Variants in USP10 observed in about 807,000 individuals in gnomAD.
The protein encoded by USP10 is ubiquitin specific peptidase 10.
USP10 carries 22 observed loss-of-function variants against 84.5 expected under a neutral mutation model. The observed-to-expected ratio is 0.26, with a 90% confidence interval of 0.19 to 0.37. The LOEUF (loss-of-function observed/expected upper bound fraction) is 0.37, where lower values mean the gene tolerates loss of function less well. USP10 is among the 10% of genes least tolerant of loss of function. USP10 has a pLI of 1.00. For missense variants in USP10, 1,019 were observed against 998.9 expected (o/e 1.02, Z -0.27); for synonymous variants, 454 against 387.6 (o/e 1.17, Z -2.01).
intron 13 of USP10, among the ~76,000 whole-genome samples, chr16:84,777,645 G>T (rs1021236858): frequency 2.0e-5 from 3 of 152,254 alleles, no homozygotes; most frequent in Admixed American, 2.0e-4. Context: ...GAGCCCAGGA[G>T]TCTGACTGGT....
At chr16:84,732,521 A>G in intron 1 of USP10, 3 of 379,942 alleles carry the variant, frequency 7.9e-6, no homozygotes, top group Non-Finnish European at 1.5e-5. Context: ...ATCTCAGCTC[A>G]CTGCAACCTC....
chr16:84,745,418 G>C lies in USP10; in HGVS notation c.937G>C (p.Asp313His). ...ELHTTESIDL[D>H]PTKPESASPP... The stretch of plus-strand genomic sequence containing the variant: ...GCACACCACGGAAAGCATAGACTTG[G>C]ACCCAACCAAACCCGAGAGTGCATC... Residue 313 changes from aspartate (D) to histidine (H), a missense_variant, in exon 4 of 14, where the codon GAC becomes CAC. By Grantham distance (81) the Asp-to-His change is moderately conservative. Transcript: ENST00000219473. 2.5e-6 allele frequency: 4 copies of C among 1,613,714 alleles called. No individual in the cohort carries two copies. Among genetic ancestry groups the C allele is most frequent in the Non-Finnish European group, 3.4e-6 (4 of 1,179,706 alleles).
rs370164533 is a variant in USP10 at position 84,764,240 on chromosome 16, C to T, written c.1809C>T (p.Thr603=). 4.9e-5 allele frequency: 79 copies of T among 1,613,894 alleles called. 1 individual carries two copies. The Middle Eastern group carries it at 6.6e-4, about 13-fold the overall frequency. ...RQADFVQTPI[T]GIFGGHIRSV... ...CGGATTTTGTTCAGACTCCAATCAC[C>T]GGCATTTTTGGTGGACACATCAGGT... The change falls in exon 10 of 14, where the codon ACC becomes ACT. Residue 603 remains threonine, a synonymous_variant. Transcript: ENST00000219473.
intron 1 of USP10, among the ~76,000 whole-genome samples, chr16:84,728,850 G>C (rs1908853451): frequency 6.6e-6 from 1 of 152,032 alleles, no homozygotes; most frequent in Non-Finnish European, 1.5e-5. Flanking sequence ...TCAGGCTGGA[G>C]TGTAGTGGCA....
chr16:84,722,660 T>G (rs988071178), intron 1 of USP10, among the ~76,000 whole-genome samples: 1 of 152,078 alleles, frequency 6.6e-6, no homozygotes, highest in Non-Finnish European at 1.5e-5. Context: ...CTCCCAGGTT[T>G]AAGCAGTTCT....
chr16:84,709,047 T>C (rs1905922722), intron 1 of USP10: 2 of 152,226 alleles, frequency 1.3e-5, no homozygotes, highest in African/African-American at 4.8e-5. Flanking sequence ...ATTCATTCGT[T>C]TGTTCATTCA....
intron 4 of USP10, among the ~76,000 whole-genome samples, chr16:84,747,657 G>C (rs1911401144): frequency 7.1e-6 from 1 of 141,252 alleles, no homozygotes; most frequent in South Asian, 2.2e-4. Context: ...TCCGCCTCCT[G>C]GGTTCAAGTG....
chr16:84,738,892 T>TA (rs1910270311), intron 2 of USP10, among the ~76,000 whole-genome samples: 1 of 152,152 alleles, frequency 6.6e-6, no homozygotes, highest in African/African-American at 2.4e-5. Flanking sequence ...GCATGAGACT[T>TA]ACCTAGGAGC....
intron 13 of USP10, among the ~76,000 whole-genome samples, chr16:84,776,741 G>A (rs545409514): frequency 1.8e-4 from 27 of 152,260 alleles, no homozygotes; most frequent in African/African-American, 5.5e-4. Flanking sequence ...ACCCCTCCCC[G>A]ACTCTGCAAC....
chr16:84,716,009 G>A (rs1045319722), intron 1 of USP10, among the ~76,000 whole-genome samples: 2 of 152,206 alleles, frequency 1.3e-5, no homozygotes, highest in Admixed American at 6.5e-5. Flanking sequence ...CCTTTGGGTC[G>A]TCCCTCAACC....
intron 1 of USP10, among the ~76,000 whole-genome samples, chr16:84,700,315 C>T (rs994368831): frequency 1.3e-5 from 2 of 152,006 alleles, no homozygotes; most frequent in Admixed American, 1.3e-4. Context: ...CCCGGACCCC[C>T]TAGTCCCGGG....
chr16:84,737,049 A>T (rs1910028217), intron 2 of USP10, among the ~76,000 whole-genome samples: 1 of 152,194 alleles, frequency 6.6e-6, no homozygotes, highest in African/African-American at 2.4e-5. Context: ...CGGCTTCCCA[A>T]AGTGCTGGGA....
chr16:84,710,269 G>GA (rs570292528), intron 1 of USP10, among the ~76,000 whole-genome samples: 1,933 of 125,526 alleles, frequency 0.015, 26 homozygotes, highest in African/African-American at 0.042. Context: ...CTCCATCTCG[G>GA]AAAAAAAAAA....
At chr16:84,775,024 A>G (rs1914850714) in intron 12 of USP10, 136 bp from the exon 13 acceptor site, 1 of 731,328 alleles carries the variant, frequency 1.4e-6, no homozygotes, top group South Asian at 1.5e-5. Flanking sequence ...TGTGCAACTG[A>G]AGGGATAGAG....
At position 84,779,182 on chromosome 16, in the gene USP10, T is replaced by C. The variant is rs953633198; in HGVS notation, c.*100T>C. ...TTAGTGGCTCTTTAGAGAGAAACTC[T>C]TTCTCCCTTTGCAAAAATGGGCTAG... is the stretch of plus-strand genomic sequence containing the variant. On this transcript the variant is annotated 3_prime_UTR_variant, in exon 14 of 14. Coordinates refer to ENST00000219473, the MANE Select transcript of USP10 (RefSeq NM_005153.3). 7 of 1,411,064 alleles carry C rather than the reference T, an allele frequency of 5.0e-6. No homozygotes were observed. The African/African-American group carries it at 7.2e-5, about 14-fold the overall frequency. 87.4% of individuals were successfully genotyped at this position (1,411,064 alleles called of 1,614,324 possible).
At chr16:84,705,743 A>G (rs1211887330) in intron 1 of USP10, among the ~76,000 whole-genome samples, 4 of 99,344 alleles carry the variant, frequency 4.0e-5, no homozygotes, top group Admixed American at 1.3e-4. Context: ...TTTTTTTGAG[A>G]CAGTCTTGCT....
At chr16:84,724,592 T>C (rs951026450) in intron 1 of USP10, among the ~76,000 whole-genome samples, 2 of 152,218 alleles carry the variant, frequency 1.3e-5, no homozygotes, top group African/African-American at 4.8e-5. Flanking sequence ...AATTTTGCTA[T>C]AGCCCTATTA....
At chr16:84,727,236 C>G (rs771566103) in intron 1 of USP10, among the ~76,000 whole-genome samples, 13 of 152,164 alleles carry the variant, frequency 8.5e-5, no homozygotes, top group Non-Finnish European at 1.2e-4. Context: ...TAATTCATGT[C>G]ATCAGTGGCA....
chr16:84,704,728 G>C, intron 1 of USP10: 1 of 1,505,172 alleles, frequency 6.6e-7, no homozygotes. Context: ...CTATTTTCTG[G>C]CTATTTGAAA....
Sources: allele counts gnomAD v4.1 joint callset (sites outside exome capture counted in the v4.1 genomes callset), GRCh38; gene constraint gnomAD v4.1.1; transcripts MANE v1.5; gene names NCBI Gene and HGNC (gene_info 2026-07-23, HGNC 2026-07-21).